ZC4H2: variants seen among roughly 807,000 people sequenced by gnomAD.
ZC4H2 encodes the protein zinc finger C4H2 domain-containing protein.
For missense variants in ZC4H2, 137 were observed against 173.9 expected, an observed-to-expected ratio of 0.79 and a Z score of 1.19; for synonymous variants, 84 against 66.3, an observed-to-expected ratio of 1.27 and a Z score of -1.30.
chrX:65,003,777 T>G (rs1054304740), intron 1 of ZC4H2, among the ~76,000 whole-genome samples: 6 of 108,802 alleles, frequency 5.5e-5, no homozygotes, highest in Admixed American at 2.0e-4. Flanking sequence ...CTTGGGAGGC[T>G]GAGGCAGGAG....
At chrX:65,033,718 T>A (rs1252940555) in intron 1 of ZC4H2, among the ~76,000 whole-genome samples, 1 of 112,510 alleles carries the variant, frequency 8.9e-6, no homozygotes. Context: ...CTTTTCCATT[T>A]AATCCTCATA....
intron 1 of ZC4H2, among the ~76,000 whole-genome samples, chrX:64,988,197 G>A (rs1248212261): frequency 4.5e-5 from 5 of 110,340 alleles, no homozygotes; most frequent in East Asian, 2.9e-4. Context: ...ATAAACATAC[G>A]TGTGCATGTG....
chrX:64,933,841 T>A (rs1052027564), intron 1 of ZC4H2, among the ~76,000 whole-genome samples: 2 of 111,711 alleles, frequency 1.8e-5, no homozygotes, highest in African/African-American at 6.5e-5. Context: ...AGGCTTCAGG[T>A]CAAGAGGAAA....
upstream of ZC4H2, among the ~76,000 whole-genome samples, chrX:64,979,770 G>A (rs1932047055): frequency 9.0e-6 from 1 of 111,560 alleles, no homozygotes; most frequent in African/African-American, 3.3e-5. Context: ...GAGTTCTAAT[G>A]CATGATTTTA....
At chrX:64,952,175 C>G (rs1180543365) in intron 1 of ZC4H2, among the ~76,000 whole-genome samples, 1 of 110,482 alleles carries the variant, frequency 9.1e-6, no homozygotes, top group East Asian at 2.8e-4. Flanking sequence ...TGTTTTGGTA[C>G]CAGTACCATG....
intron 1 of ZC4H2, among the ~76,000 whole-genome samples, chrX:64,983,985 T>C (rs933500672): frequency 2.7e-5 from 3 of 111,664 alleles, no homozygotes; most frequent in Non-Finnish European, 5.6e-5. Flanking sequence ...GTTTGTTACA[T>C]GGATATTATA....
chrX:64,941,293 G>C (rs1413834676), intron 1 of ZC4H2, among the ~76,000 whole-genome samples: 1 of 111,772 alleles, frequency 8.9e-6, no homozygotes, highest in African/African-American at 3.2e-5. Flanking sequence ...GGAGCTTTGG[G>C]CTGAGACAAT....
chrX:65,004,913 C>T (rs1251602757), intron 1 of ZC4H2, among the ~76,000 whole-genome samples: 2 of 111,713 alleles, frequency 1.8e-5, no homozygotes, highest in African/African-American at 6.5e-5. Flanking sequence ...GTGCAAAAAT[C>T]ACAAGCATTC....
At chrX:64,950,566 C>T (rs188037816) in intron 1 of ZC4H2, among the ~76,000 whole-genome samples, 1 of 111,042 alleles carries the variant, frequency 9.0e-6, no homozygotes, top group Admixed American at 9.6e-5. Context: ...GGATAGTTAG[C>T]TCTTCTTGTT....
upstream of ZC4H2, among the ~76,000 whole-genome samples, chrX:64,977,574 C>T (rs1255841468): frequency 8.9e-6 from 1 of 111,952 alleles, no homozygotes; most frequent in Non-Finnish European, 1.9e-5. Context: ...TCTCGGCCCA[C>T]TGCAACCTCC....
At position 64,959,689 on chromosome X, in the gene ZC4H2, G is replaced by A. The variant is rs749374153; in HGVS notation, c.53+16636C>T. ...ATGGTGGCAACTATGGACAGTACAT[G>A]TTGGCAACCATGGACATAATTCAGT... On this transcript the variant is annotated intron_variant, in intron 1 of 4. Transcript: ENST00000374839. Among the ~76,000 whole-genome samples the A allele has an allele frequency of 3.7e-5, 4 of 109,024 alleles. No individual in the cohort carries two copies. In the East Asian group the frequency reaches 1.2e-3, roughly 32 times the overall value. The allele number at this position is 109,024 out of a possible 115,157, so 94.7% of individuals were successfully genotyped here. A position where few individuals can be genotyped will look rare whatever the true frequency, so the allele number is the denominator to read the frequency against.
chrX:64,985,159 T>G (rs1045491257), intron 1 of ZC4H2, among the ~76,000 whole-genome samples: 2 of 112,225 alleles, frequency 1.8e-5, no homozygotes, highest in Non-Finnish European at 3.8e-5. Context: ...AATAAACATA[T>G]GAGTACAGGG....
intron 1 of ZC4H2, among the ~76,000 whole-genome samples, chrX:64,967,571 C>A (rs1414319390): frequency 8.9e-6 from 1 of 112,053 alleles, no homozygotes; most frequent in Non-Finnish European, 1.9e-5. Context: ...CCCCCAGAGT[C>A]ATTAATCTGT....
Position 64,953,645 on chromosome X carries a change from G to A in ZC4H2, c.53+22680C>T, listed in dbSNP as rs184253053. Among the ~76,000 whole-genome samples, 19 of 110,546 alleles carry A rather than the reference G, an allele frequency of 1.7e-4. No individual in the cohort carries two copies. In the East Asian group the frequency reaches 2.6e-3, roughly 15 times the overall value. The stretch of plus-strand genomic sequence containing the variant: ...AGATAGCATCTCACACCAGAATGGC[G>A]ATCATTAAAAAGTCAGGGAACAAAG... On this transcript the variant is annotated intron_variant, in intron 1 of 4. Coordinates refer to ENST00000374839, the MANE Select transcript of ZC4H2 (RefSeq NM_018684.4).
At chrX:64,955,708 T>G (rs1241204657) in intron 1 of ZC4H2, among the ~76,000 whole-genome samples, 1 of 112,274 alleles carries the variant, frequency 8.9e-6, no homozygotes, top group African/African-American at 3.2e-5. Flanking sequence ...TTTCCTTGCT[T>G]ATGCCTCTGA....
At chrX:65,011,985 A>T (rs969831803) in intron 1 of ZC4H2, among the ~76,000 whole-genome samples, 5 of 109,941 alleles carry the variant, frequency 4.5e-5, no homozygotes, top group African/African-American at 6.6e-5. Flanking sequence ...AAGTGCTGGG[A>T]TTACAGGCAT....
intron 1 of ZC4H2, among the ~76,000 whole-genome samples, chrX:64,949,814 AT>A (rs1288840472): frequency 2.7e-5 from 3 of 110,943 alleles, no homozygotes; most frequent in African/African-American, 9.8e-5. Flanking sequence ...GGATTCACTG[AT>A]TTTTTGAAGG....
Position 64,947,135 on chromosome X carries a change from ATTT to A in ZC4H2, c.54-25150_54-25148del, listed in dbSNP as rs779562541. ...TTGTTTAGTGTCCAAGCGTGTGTAG[ATTT>A]TTCTGGTAATTTTTTCTGGTTTACT... On this transcript the variant is annotated intron_variant, in intron 1 of 4. Coordinates refer to ENST00000374839, the MANE Select transcript of ZC4H2 (RefSeq NM_018684.4). Among the ~76,000 whole-genome samples, 4 of 111,312 alleles carry A rather than the reference ATTT, an allele frequency of 3.6e-5. No homozygotes were observed. In the South Asian group the frequency reaches 1.5e-3, roughly 42 times the overall value.
chrX:64,968,294 CA>C (rs753018988), intron 1 of ZC4H2, among the ~76,000 whole-genome samples: 115 of 111,753 alleles, frequency 1.0e-3, no homozygotes, highest in African/African-American at 3.7e-3. Flanking sequence ...CCCAAGAAGA[CA>C]AATTCAGGAA....
Sources: allele counts gnomAD v4.1 joint callset (sites outside exome capture counted in the v4.1 genomes callset), GRCh38; gene constraint gnomAD v4.1.1; transcripts MANE v1.5; gene names NCBI Gene and HGNC (gene_info 2026-07-23, HGNC 2026-07-21).